Variants in NR3C2 observed in about 807,000 individuals in gnomAD.
NR3C2 encodes the protein nuclear receptor subfamily 3 group C member 2, also known as mineralocorticoid receptor.
A neutral mutation model predicts 86.4 loss-of-function variants in NR3C2; 15 were observed. The observed-to-expected ratio is 0.17, with a 90% CI of 0.12 to 0.27. The LOEUF (loss-of-function observed/expected upper bound fraction) is 0.27, where lower values mean the gene tolerates loss of function less well. Ranked by LOEUF, NR3C2 falls within the 10% of genes least tolerant of loss-of-function variation. The probability of loss-of-function intolerance (pLI) is 1.00; values close to 1 mark genes in which losing one functional copy is unlikely to be tolerated. For missense variants in NR3C2, 960 were observed against 1,195.6 expected, an observed-to-expected ratio of 0.80 and a Z score of 2.91; for synonymous variants, 458 against 450.5, an observed-to-expected ratio of 1.02 and a Z score of -0.21.
At chr4:148,206,462 G>C (rs1451572730) in intron 3 of NR3C2, among the ~76,000 whole-genome samples, 2 of 152,166 alleles carry the variant, frequency 1.3e-5, no homozygotes, top group Non-Finnish European at 2.9e-5. Context: ...TACTTAGCTT[G>C]TCAAAGCCGA....
chr4:148,316,643 T>C (rs1476611736), intron 2 of NR3C2, among the ~76,000 whole-genome samples: 1 of 152,206 alleles, frequency 6.6e-6, no homozygotes, highest in Non-Finnish European at 1.5e-5. Context: ...TTATGCTCAG[T>C]TATATAGGTT....
At chr4:148,121,394 C>G (rs939488057) in intron 6 of NR3C2, among the ~76,000 whole-genome samples, 2 of 152,154 alleles carry the variant, frequency 1.3e-5, no homozygotes, top group African/African-American at 4.8e-5. Context: ...TTCCTCTCCC[C>G]CAGTAAGATA....
chr4:148,110,735 T>C lies in NR3C2; in HGVS notation c.2799+3369A>G, dbSNP rs546648445. ...AAAGCTTTTAGAATTAAAATGATTC[T>C]AATGATTCTAAAGAAGTGGTATTCT... On this transcript the variant is annotated intron_variant, in intron 8 of 8. Transcript: ENST00000358102. Among the ~76,000 whole-genome samples, 75 of 152,346 alleles carry C rather than the reference T, an allele frequency of 4.9e-4. 2 individuals carry two copies. In the South Asian group the frequency reaches 0.015, roughly 30 times the overall value.
chr4:148,093,942 C>G (rs1488043908), intron 8 of NR3C2, among the ~76,000 whole-genome samples: 1 of 151,994 alleles, frequency 6.6e-6, no homozygotes, highest in East Asian at 1.9e-4. Flanking sequence ...AGTCATATAT[C>G]TGAAAAGAGG....
chr4:148,426,206 C>T (rs901519451), intron 2 of NR3C2, among the ~76,000 whole-genome samples: 4 of 152,174 alleles, frequency 2.6e-5, no homozygotes, highest in Admixed American at 2.0e-4. Context: ...CACCCCATGC[C>T]CCAGGTTCTC....
intron 3 of NR3C2, among the ~76,000 whole-genome samples, chr4:148,240,514 G>C (rs1338619393): frequency 6.6e-6 from 1 of 152,054 alleles, no homozygotes; most frequent in Non-Finnish European, 1.5e-5. Context: ...CCTAGATTAA[G>C]GGGAGGCTCT....
At chr4:148,156,870 G>A (rs112722535) in intron 4 of NR3C2, among the ~76,000 whole-genome samples, 4,234 of 152,044 alleles carry the variant, frequency 0.028, 183 homozygotes, top group African/African-American at 0.093. Flanking sequence ...GTTTATTGCG[G>A]CACTATTCAC....
chr4:148,295,812 A>G (rs996214116), intron 2 of NR3C2, among the ~76,000 whole-genome samples: 2 of 151,900 alleles, frequency 1.3e-5, no homozygotes, highest in Non-Finnish European at 2.9e-5. Context: ...AAAGGGTGCA[A>G]TCACTGAATC....
intron 3 of NR3C2, among the ~76,000 whole-genome samples, chr4:148,241,970 C>T (rs1247936874): frequency 6.6e-6 from 1 of 152,062 alleles, no homozygotes; most frequent in Non-Finnish European, 1.5e-5. Context: ...TATAATTTCA[C>T]TTACATTAGG....
intron 3 of NR3C2, among the ~76,000 whole-genome samples, chr4:148,213,727 G>A (rs1190431455): frequency 6.6e-6 from 1 of 152,200 alleles, no homozygotes; most frequent in African/African-American, 2.4e-5. Context: ...AATGGGGCAT[G>A]CAACGTTCTC....
intron 2 of NR3C2, among the ~76,000 whole-genome samples, chr4:148,428,135 G>A (rs1324747655): frequency 6.6e-6 from 1 of 152,108 alleles, no homozygotes; most frequent in Non-Finnish European, 1.5e-5. Flanking sequence ...GAAATCACAT[G>A]CCACCTGACA....
At chr4:148,246,694 G>A (rs1265756767) in intron 3 of NR3C2, among the ~76,000 whole-genome samples, 1 of 152,072 alleles carries the variant, frequency 6.6e-6, no homozygotes, top group Non-Finnish European at 1.5e-5. Context: ...TGGGATTACA[G>A]GTGCTCACCA....
chr4:148,083,279 A>G (rs1348408945), intron 8 of NR3C2, among the ~76,000 whole-genome samples: 7 of 152,078 alleles, frequency 4.6e-5, no homozygotes, highest in South Asian at 4.1e-4. Context: ...GCCTCCTGAC[A>G]AAGAGACACC....
chr4:148,173,729 T>A (rs1477178679), intron 4 of NR3C2, among the ~76,000 whole-genome samples: 4 of 152,236 alleles, frequency 2.6e-5, no homozygotes, highest in African/African-American at 9.6e-5. Context: ...GGGGCTTCCT[T>A]CTTGGTCCTC....
At chr4:148,168,978 A>G (rs374818515) in intron 4 of NR3C2, among the ~76,000 whole-genome samples, 2 of 152,332 alleles carry the variant, frequency 1.3e-5, no homozygotes, top group South Asian at 2.1e-4. Flanking sequence ...TCAAGAAGAC[A>G]CTAAAGAATT....
intron 2 of NR3C2, among the ~76,000 whole-genome samples, chr4:148,294,044 C>T (rs962921362): frequency 1.3e-5 from 2 of 152,182 alleles, no homozygotes; most frequent in Non-Finnish European, 2.9e-5. Flanking sequence ...TATTGGGTAT[C>T]CTCCTAGGTA....
At chr4:148,343,956 G>C (rs1744871366) in intron 2 of NR3C2, among the ~76,000 whole-genome samples, 1 of 152,110 alleles carries the variant, frequency 6.6e-6, no homozygotes, top group Non-Finnish European at 1.5e-5. Flanking sequence ...GACTCTCGAG[G>C]ATAATAAGCA....
chr4:148,361,949 C>T (rs896157643), intron 2 of NR3C2, among the ~76,000 whole-genome samples: 5 of 152,208 alleles, frequency 3.3e-5, no homozygotes, highest in Admixed American at 2.6e-4. Context: ...GCAATTCTCC[C>T]GCCTCAGCCT....
At chr4:148,364,304 CT>C (rs1746000403) in intron 2 of NR3C2, among the ~76,000 whole-genome samples, 1 of 152,162 alleles carries the variant, frequency 6.6e-6, no homozygotes, top group Admixed American at 6.5e-5. Context: ...CATGCTTTGC[CT>C]GACTGACACA....
Sources: allele counts gnomAD v4.1 joint callset (sites outside exome capture counted in the v4.1 genomes callset), GRCh38; gene constraint gnomAD v4.1.1; transcripts MANE v1.5; gene names NCBI Gene and HGNC (gene_info 2026-07-23, HGNC 2026-07-21).